The following CNTNAP5 variants were observed in gnomAD, a reference collection of about 807,000 sequenced individuals.
CNTNAP5 encodes the protein contactin-associated protein-like 5.
CNTNAP5 carries 72 observed loss-of-function variants against 150.2 expected under a neutral mutation model. That is an observed-to-expected ratio of 0.48 (90% CI 0.40 to 0.58). CNTNAP5 has a LOEUF of 0.58. Ranked by LOEUF, CNTNAP5 falls within the 20% of genes least tolerant of loss-of-function variation. The probability of loss-of-function intolerance (pLI) is 0.00; values close to 1 mark genes in which losing one functional copy is unlikely to be tolerated. For missense variants in CNTNAP5, 1,636 were observed against 1,626.2 expected (o/e 1.01, Z -0.10); for synonymous variants, 672 against 619.8 (o/e 1.08, Z -1.25).
intron 12 of CNTNAP5, among the ~76,000 whole-genome samples, chr2:124,633,063 T>C (rs994140751): frequency 1.3e-5 from 2 of 152,120 alleles, no homozygotes; most frequent in Admixed American, 6.5e-5. Flanking sequence ...GGGATTACAA[T>C]TGAACAGGAG....
chr2:124,501,362 C>T (rs561518393), intron 7 of CNTNAP5, among the ~76,000 whole-genome samples: 2 of 152,106 alleles, frequency 1.3e-5, no homozygotes, highest in South Asian at 4.1e-4. Context: ...ATTAAACATA[C>T]AGAGGGACAA....
intron 1 of CNTNAP5, among the ~76,000 whole-genome samples, chr2:124,195,436 A>G (rs1477400788): frequency 1.3e-5 from 2 of 152,194 alleles, no homozygotes; most frequent in African/African-American, 4.8e-5. Context: ...GCTCTCTTGC[A>G]ATACTCAACA....
At chr2:124,272,229 A>C (rs1687777269) in intron 3 of CNTNAP5, among the ~76,000 whole-genome samples, 1 of 152,166 alleles carries the variant, frequency 6.6e-6, no homozygotes, top group South Asian at 2.1e-4. Flanking sequence ...AGATATTTTT[A>C]GTTTTCCCAA....
intron 14 of CNTNAP5, among the ~76,000 whole-genome samples, chr2:124,752,225 TTTA>T (rs1680742546): frequency 6.6e-6 from 1 of 152,086 alleles, no homozygotes; most frequent in Non-Finnish European, 1.5e-5. Flanking sequence ...TTTGTTTTGT[TTTA>T]TTATTTTTTT....
chr2:124,782,612 T>C (rs1681478226), intron 17 of CNTNAP5, among the ~76,000 whole-genome samples: 1 of 152,094 alleles, frequency 6.6e-6, no homozygotes, highest in South Asian at 2.1e-4. Flanking sequence ...TTTTCATCTG[T>C]AGTTTGTAAA....
At chr2:124,210,329 A>G (rs1685973259) in intron 1 of CNTNAP5, among the ~76,000 whole-genome samples, 1 of 152,220 alleles carries the variant, frequency 6.6e-6, no homozygotes, top group African/African-American at 2.4e-5. Context: ...TCTTTTCTGC[A>G]TGATATAAAG....
intron 19 of CNTNAP5, among the ~76,000 whole-genome samples, chr2:124,821,249 A>C (rs1682485508): frequency 6.6e-6 from 1 of 152,216 alleles, no homozygotes; most frequent in Admixed American, 6.5e-5. Context: ...ACTAAGGAGA[A>C]AAAGAGCCTG....
At chr2:124,365,308 T>G (rs1042649236) in intron 3 of CNTNAP5, among the ~76,000 whole-genome samples, 2 of 147,642 alleles carry the variant, frequency 1.4e-5, no homozygotes, top group Non-Finnish European at 3.0e-5. Context: ...AGAGCAAGAC[T>G]CTGTCCCAAA....
chr2:124,815,122 A>C (rs527971349), intron 19 of CNTNAP5, among the ~76,000 whole-genome samples: 1 of 152,328 alleles, frequency 6.6e-6, no homozygotes, highest in African/African-American at 2.4e-5. Context: ...GCAATAACTA[A>C]GTAAGCCTGG....
rs898313339 is a variant in CNTNAP5, at chr2:124,915,865, C to T, written c.*1577C>T. On this transcript the variant is annotated 3_prime_UTR_variant, in exon 24 of 24. Coordinates refer to ENST00000682447, the MANE Select transcript of CNTNAP5 (RefSeq NM_001367498.1). ...TAAGGAGAAGACAATGTAAATGCTCCAAGATAGTGGAAATGCTCATGTAAT... is the reference window on the plus strand; with the variant it reads ...TAAGGAGAAGACAATGTAAATGCTCTAAGATAGTGGAAATGCTCATGTAAT... Among the ~76,000 whole-genome samples, 1 of 152,020 alleles carries T rather than the reference C, an allele frequency of 6.6e-6. No homozygotes were observed. Among genetic ancestry groups the T allele is most frequent in the Admixed American group, 6.6e-5 (1 of 15,248 alleles).
In CNTNAP5 at chr2:124,093,170, A is replaced by C. The variant is rs146115762; in HGVS notation, c.82+67438A>C. The stretch of plus-strand genomic sequence containing the variant: ...TCAGGCTGCACTGTTTATTGGTTAG[A>C]CCATGGCTTGTGGAGCTGACAACCT... On this transcript the variant is annotated intron_variant, in intron 1 of 23. Coordinates refer to ENST00000682447, the MANE Select transcript of CNTNAP5 (RefSeq NM_001367498.1). 1.6e-3 allele frequency among the ~76,000 whole-genome samples: 238 copies of C among 152,322 alleles called. 4 individuals are homozygous for C. In the East Asian group the frequency reaches 0.029, roughly 19 times the overall value.
intron 3 of CNTNAP5, among the ~76,000 whole-genome samples, chr2:124,403,704 T>A (rs774994732): frequency 2.6e-5 from 4 of 152,200 alleles, no homozygotes; most frequent in Non-Finnish European, 4.4e-5. Context: ...TTGCTGGGGA[T>A]GACAGGGCAA....
chr2:124,100,462 T>C (rs993650952), intron 1 of CNTNAP5, among the ~76,000 whole-genome samples: 22 of 151,964 alleles, frequency 1.4e-4, no homozygotes, highest in African/African-American at 5.1e-4. Flanking sequence ...TAATAACTAA[T>C]ACGTATAATA....
At chr2:124,448,867 G>A (rs534226719) in intron 6 of CNTNAP5, among the ~76,000 whole-genome samples, 3 of 152,284 alleles carry the variant, frequency 2.0e-5, no homozygotes, top group South Asian at 4.1e-4. Context: ...CATAAATTGT[G>A]TGCTACAAGT....
At chr2:124,712,378 G>T (rs1679825724) in intron 13 of CNTNAP5, among the ~76,000 whole-genome samples, 1 of 152,132 alleles carries the variant, frequency 6.6e-6, no homozygotes, top group South Asian at 2.1e-4. Flanking sequence ...AAAATGAAAG[G>T]TTAGAATGGT....
rs531800409 is a variant in CNTNAP5, at chr2:124,100,789, T to C, written c.82+75057T>C. On this transcript the variant is annotated intron_variant, in intron 1 of 23. Transcript: ENST00000682447. ...CTGAGGCACTAGAATCATTTGAACC[T>C]GGGAGGCAGAGATTGCAGTGAACTG... 2.1e-5 allele frequency among the ~76,000 whole-genome samples: 3 copies of C among 145,410 alleles called. No individual in the cohort carries two copies. The South Asian group carries it at 6.5e-4, about 31-fold the overall frequency.
At chr2:124,736,353 G>A (rs1680382463) in intron 13 of CNTNAP5, among the ~76,000 whole-genome samples, 1 of 152,048 alleles carries the variant, frequency 6.6e-6, no homozygotes, top group Non-Finnish European at 1.5e-5. Flanking sequence ...AATATTGTAC[G>A]TCAAATTTAT....
chr2:124,744,871 A>G (rs1414762368), intron 13 of CNTNAP5, among the ~76,000 whole-genome samples: 2 of 152,176 alleles, frequency 1.3e-5, no homozygotes, highest in Non-Finnish European at 2.9e-5. Flanking sequence ...AGAGACCAAG[A>G]CACAAAGATG....
chr2:124,080,629 G>C (rs1682538868), intron 1 of CNTNAP5, among the ~76,000 whole-genome samples: 1 of 152,182 alleles, frequency 6.6e-6, no homozygotes, highest in Non-Finnish European at 1.5e-5. Flanking sequence ...AACACTGAGA[G>C]TGTCCCCAAA....
Sources: gnomAD v4.1 joint callset for allele counts (sites outside exome capture counted in the v4.1 genomes callset) on GRCh38, gnomAD v4.1.1 for gene constraint, MANE v1.5 for transcripts, NCBI Gene and HGNC (gene_info 2026-07-23, HGNC 2026-07-21) for gene names.